Variants in ADAMTS5 observed in about 807,000 individuals in gnomAD.
ADAMTS5 encodes the protein ADAM metallopeptidase with thrombospondin type 1 motif 5.
ADAMTS5 carries 54 observed loss-of-function variants against 81.4 expected under a neutral mutation model. The observed-to-expected ratio is 0.66, with a 90% CI of 0.53 to 0.83. The LOEUF is 0.83. ADAMTS5 is among the 40% of genes least tolerant of loss of function. The pLI is 0.00. For missense variants in ADAMTS5, 1,194 were observed against 1,229.9 expected, an observed-to-expected ratio of 0.97 and a Z score of 0.44; for synonymous variants, 532 against 508.8, an observed-to-expected ratio of 1.05 and a Z score of -0.61.
chr21:26,928,849 G>A (rs1024448116), intron 7 of ADAMTS5, among the ~76,000 whole-genome samples: 1 of 151,452 alleles, frequency 6.6e-6, no homozygotes, highest in African/African-American at 2.4e-5. Context: ...TATTTTCAGA[G>A]TCCAACTCAT....
Position 26,934,551 on chromosome 21 carries a change from G to A in ADAMTS5, c.1604C>T (p.Pro535Leu). The A allele has an allele frequency of 6.2e-7, 1 of 1,614,192 alleles. No homozygotes were observed. Among genetic ancestry groups the A allele is most frequent in the East Asian group, 2.2e-5 (1 of 44,872 alleles). Residue 535 changes from proline (P) to leucine (L), a missense_variant, in exon 4 of 8, where the codon CCT becomes CTT. Physicochemically the swap from Pro to Leu is moderately conservative, Grantham distance 98 (BLOSUM62 -3). Coordinates refer to ENST00000284987, the MANE Select transcript of ADAMTS5 (RefSeq NM_007038.5). ...TCCACAAGGCGTCCCTTCCACCGCA[G>A]GCAGCTTCTTGGTCAGACAGACCAT... ...GQMVCLTKKL[P>L]AVEGTPCGKG...
chr21:26,959,607 G>T (rs934282391), intron 1 of ADAMTS5, among the ~76,000 whole-genome samples: 2 of 152,034 alleles, frequency 1.3e-5, no homozygotes, highest in Non-Finnish European at 2.9e-5. Context: ...AGAATATCCT[G>T]GTTTTCTCTC....
chr21:26,947,328 T>A (rs1987234194), intron 2 of ADAMTS5, among the ~76,000 whole-genome samples: 1 of 152,166 alleles, frequency 6.6e-6, no homozygotes, highest in Non-Finnish European at 1.5e-5. Flanking sequence ...GGAGGGGAGA[T>A]AGAAGCCAGA....
At chr21:26,940,412 C>T (rs1026267366) in intron 3 of ADAMTS5, among the ~76,000 whole-genome samples, 1 of 152,128 alleles carries the variant, frequency 6.6e-6, no homozygotes, top group South Asian at 2.1e-4. Context: ...ATAGCACTAA[C>T]TTGAGGGACC....
intron 2 of ADAMTS5, among the ~76,000 whole-genome samples, chr21:26,948,540 T>G (rs1275789619): frequency 1.3e-5 from 2 of 152,214 alleles, no homozygotes; most frequent in African/African-American, 4.8e-5. Context: ...ACTGCTCACA[T>G]GGAATCAGAA....
intron 2 of ADAMTS5, among the ~76,000 whole-genome samples, chr21:26,952,576 A>G (rs1601015355): frequency 6.6e-6 from 1 of 152,208 alleles, no homozygotes; most frequent in East Asian, 1.9e-4. Flanking sequence ...CTTACAGGGA[A>G]ATCTCCCAGA....
In ADAMTS5 at chr21:26,932,026, T is replaced by C. The variant is rs1986917490; in HGVS notation, c.2027A>G (p.Tyr676Cys). ...KLTCRAKGTG[Y>C]YVVFSPKVTD... ...TACCTTTGGAGAAAATACCACATAG[T>C]AGCCAGTGCCCTTGGCTCTGCAGGT... is the stretch of plus-strand genomic sequence containing the variant. The change falls in exon 6 of 8, where the codon TAC (tyrosine) becomes TGC (cysteine). Residue 676 changes from tyrosine to cysteine, a missense_variant. This residue lies in a region of ADAMTS5 where 696 missense variants were observed against 817.6 expected (regional missense o/e 0.85). Transcript: ENST00000284987. 3 of 1,613,780 alleles carry C rather than the reference T, an allele frequency of 1.9e-6. No homozygotes were observed. The highest frequency in any genetic ancestry group is 2.5e-6 in the Non-Finnish European group (3 of 1,179,818).
chr21:26,949,935 C>A (rs1447309731), intron 2 of ADAMTS5, among the ~76,000 whole-genome samples: 1 of 152,140 alleles, frequency 6.6e-6, no homozygotes, highest in Non-Finnish European at 1.5e-5. Flanking sequence ...TGCAGCTTTT[C>A]AAAATATGGC....
At chr21:26,941,168 A>T (rs974835451) in intron 3 of ADAMTS5, among the ~76,000 whole-genome samples, 1 of 152,152 alleles carries the variant, frequency 6.6e-6, no homozygotes, top group Non-Finnish European at 1.5e-5. Flanking sequence ...CCAAACCAAG[A>T]TATTCAAAAG....
chr21:26,934,487 T>G lies in ADAMTS5; in HGVS notation c.1668A>C (p.Lys556Asn). ...RICLQGKCVD[K>N]TKKKYYSTSS... Reference sequence around the variant, plus strand: ...TTACTGAATAATATTTTTTCTTGGTTTTGTCCACACATTTGCCCTGCAGGC... The same window carrying G: ...TTACTGAATAATATTTTTTCTTGGTGTTGTCCACACATTTGCCCTGCAGGC... Residue 556 changes from lysine to asparagine, a missense_variant, in exon 4 of 8, where the codon AAA becomes AAC. Around this residue, in one of 2 missense-constraint regions of ADAMTS5, gnomAD observed 696 missense variants for 817.6 expected, o/e 0.85. Coordinates refer to ENST00000284987, the MANE Select transcript of ADAMTS5 (RefSeq NM_007038.5). The G allele has an allele frequency of 6.2e-7, 1 of 1,614,202 alleles. No homozygotes were observed. Among genetic ancestry groups the G allele is most frequent in the Non-Finnish European group, 8.5e-7 (1 of 1,180,026 alleles).
intron 2 of ADAMTS5, among the ~76,000 whole-genome samples, chr21:26,951,573 G>C (rs147459829): frequency 6.6e-6 from 1 of 151,136 alleles, no homozygotes; most frequent in Non-Finnish European, 1.5e-5. Context: ...CAGCTGCTTG[G>C]GGGGCTGAGG....
At chr21:26,932,571 T>C (rs554772272) in intron 5 of ADAMTS5, among the ~76,000 whole-genome samples, 45 of 152,102 alleles carry the variant, frequency 3.0e-4, no homozygotes, top group African/African-American at 1.0e-3. Flanking sequence ...TGTGGTGGTG[T>C]GCACCTGTAA....
At position 26,966,486 on chromosome 21, in the gene ADAMTS5, A is replaced by C; in HGVS notation, c.-95T>G. On this transcript the variant is annotated 5_prime_UTR_variant, in exon 1 of 8. Coordinates refer to ENST00000284987, the MANE Select transcript of ADAMTS5 (RefSeq NM_007038.5). Reference sequence around the variant, plus strand: ...AACGGGGCGGGGGATGGGGACACACACACACTTGCTTGCAGGATTGAGTCA... The same window carrying C: ...AACGGGGCGGGGGATGGGGACACACCCACACTTGCTTGCAGGATTGAGTCA... The C allele has an allele frequency of 6.5e-6, 8 of 1,225,174 alleles. No homozygotes were observed. Among genetic ancestry groups the C allele is most frequent in the East Asian group, 3.2e-5 (1 of 31,518 alleles). The allele number at this position is 1,225,174 out of a possible 1,614,324, so 75.9% of individuals were successfully genotyped here. A position where few individuals can be genotyped will look rare whatever the true frequency, so the allele number is the denominator to read the frequency against.
chr21:26,922,960 A>G lies in ADAMTS5; in HGVS notation c.*1093T>C, dbSNP rs1986728396. 6.6e-6 allele frequency: 1 copy of G among 152,584 alleles called. No individual in the cohort carries two copies. 9.5% of individuals were successfully genotyped at this position (152,584 alleles called of 1,614,324 possible). On this transcript the variant is annotated 3_prime_UTR_variant, in exon 8 of 8. Transcript: ENST00000284987. ...AATGTTTCTAATAAAATAAGTCAAGAAATACAAAACATTGTAGGTCTTACT... is the reference window on the plus strand; with the variant it reads ...AATGTTTCTAATAAAATAAGTCAAGGAATACAAAACATTGTAGGTCTTACT...
chr21:26,926,661 C>T (rs1470656543), intron 7 of ADAMTS5, among the ~76,000 whole-genome samples: 1 of 141,934 alleles, frequency 7.0e-6, no homozygotes, highest in Non-Finnish European at 1.5e-5. Context: ...GAGTGAGACC[C>T]TGTCTTAAAA....
At chr21:26,962,811 A>G (rs1987553675) in intron 1 of ADAMTS5, among the ~76,000 whole-genome samples, 1 of 152,070 alleles carries the variant, frequency 6.6e-6, no homozygotes, top group South Asian at 2.1e-4. Flanking sequence ...GGGCCTTAAG[A>G]TAATCTGATT....
intron 1 of ADAMTS5, among the ~76,000 whole-genome samples, chr21:26,956,372 A>C (rs2123202753): frequency 6.6e-6 from 1 of 152,352 alleles, no homozygotes; most frequent in South Asian, 2.1e-4. Context: ...ATCTCAGCCA[A>C]GTAGCCTTGG....
Position 26,965,662 on chromosome 21 carries a change from G to T in ADAMTS5, c.730C>A (p.Leu244Ile). ...LASQLLDQSALSPAGGSGPQT... is the reference protein window; with the variant it reads ...LASQLLDQSAISPAGGSGPQT... ...GGTCCTGAGCCCCCAGCGGGCGAGA[G>T]AGCGGACTGGTCCAAGAGCTGCGAG... The change falls in exon 1 of 8, where the codon CTC becomes ATC. Residue 244 changes from leucine to isoleucine, a missense_variant. By Grantham distance (5) the Leu-to-Ile change is conservative (BLOSUM62 2). Transcript: ENST00000284987. The T allele has an allele frequency of 6.3e-7, 1 of 1,591,110 alleles. No homozygotes were observed. Among genetic ancestry groups the T allele is most frequent in the East Asian group, 2.3e-5 (1 of 43,682 alleles).
intron 2 of ADAMTS5, among the ~76,000 whole-genome samples, chr21:26,947,752 T>G (rs951321686): frequency 4.6e-5 from 7 of 152,192 alleles, no homozygotes; most frequent in African/African-American, 1.7e-4. Flanking sequence ...TATTTCGCTG[T>G]TTGAAATAAT....
Sources: gnomAD v4.1 joint callset for allele counts (sites outside exome capture counted in the v4.1 genomes callset) on GRCh38, gnomAD v4.1.1 for gene constraint, gnomAD v4.1.1 regional missense constraint, MANE v1.5 for transcripts, NCBI Gene and HGNC (gene_info 2026-07-23, HGNC 2026-07-21) for gene names.